Variants in UBE2U observed in about 807,000 individuals in gnomAD.
The protein encoded by UBE2U is ubiquitin conjugating enzyme E2 U, also known as ubiquitin-conjugating enzyme E2 U.
In UBE2U, 39 loss-of-function variants were observed where a neutral mutation model predicts 41.2. The observed-to-expected ratio is 0.95, with a 90% CI of 0.73 to 1.24. UBE2U has a LOEUF of 1.24. UBE2U is among the 50% of genes most tolerant of loss of function. UBE2U has a pLI of 0.00. For missense variants in UBE2U, 336 were observed against 363.1 expected (o/e 0.93, Z 0.61); for synonymous variants, 107 against 117.8 (o/e 0.91, Z 0.60).
At chr1:64,241,969 G>A (rs1344712521) in intron 8 of UBE2U, among the ~76,000 whole-genome samples, 1 of 152,022 alleles carries the variant, frequency 6.6e-6, no homozygotes, top group East Asian at 1.9e-4. Flanking sequence ...GACATGATCT[G>A]CAGTGAAGAA....
intron 1 of UBE2U, among the ~76,000 whole-genome samples, chr1:64,205,291 A>G (rs1400443534): frequency 6.6e-6 from 1 of 152,228 alleles, no homozygotes; most frequent in East Asian, 1.9e-4. Context: ...TTGAAGAAAC[A>G]TGCACTTTCC....
rs570861959 is a variant in UBE2U at position 64,215,171 on chromosome 1, C to T, written c.457+239C>T. On this transcript the variant is annotated intron_variant, in intron 5 of 9. Coordinates refer to ENST00000371077, the MANE Select transcript of UBE2U (RefSeq NM_001366232.2). ...ACTTGAACCTGGGAGGCAGAAGTTG[C>T]GGTGAGCCGAGATCATGCCATTGCA... is the stretch of plus-strand genomic sequence containing the variant. 5.9e-5 allele frequency among the ~76,000 whole-genome samples: 9 copies of T among 152,034 alleles called. No individual in the cohort carries two copies. The South Asian group carries it at 1.2e-3, about 21-fold the overall frequency.
At chr1:64,235,682 A>C (rs551450574) in intron 7 of UBE2U, among the ~76,000 whole-genome samples, 1 of 152,304 alleles carries the variant, frequency 6.6e-6, no homozygotes, top group Non-Finnish European at 1.5e-5. Context: ...GTAAGTAGTT[A>C]AATTTTGATT....
chr1:64,244,194 T>G, intron 8 of UBE2U: 1 of 1,599,204 alleles, frequency 6.3e-7, no homozygotes, highest in Non-Finnish European at 8.5e-7. Context: ...AAACAGATGT[T>G]GGAGAAATTC....
At chr1:64,246,514 C>T (rs978836130) in intron 8 of UBE2U, among the ~76,000 whole-genome samples, 4 of 152,046 alleles carry the variant, frequency 2.6e-5, no homozygotes, top group East Asian at 1.9e-4. Context: ...AAAATTAAAC[C>T]TTGACTGCCA....
chr1:64,253,373 T>C (rs1478092252), intron 8 of UBE2U, among the ~76,000 whole-genome samples: 1 of 152,110 alleles, frequency 6.6e-6, no homozygotes, highest in African/African-American at 2.4e-5. Context: ...TTCCCCAACC[T>C]GGCAAGACAG....
At chr1:64,207,754 C>T (rs780716083) in intron 3 of UBE2U, among the ~76,000 whole-genome samples, 12 of 152,194 alleles carry the variant, frequency 7.9e-5, no homozygotes, top group Middle Eastern at 3.4e-3. Context: ...GTGAGGAAGA[C>T]GTTTCTCAGC....
rs1557730108 is a variant in UBE2U at position 64,239,122 on chromosome 1, A to AGAGGAAGAGGAAGAGGAAGAGGAAGAG, written c.596-2528_596-2527insGGAAGAGGAAGAGGAAGAGGAAGAGGA. Among the ~76,000 whole-genome samples, 15 of 24,348 alleles carry AGAGGAAGAGGAAGAGGAAGAGGAAGAG rather than the reference A, an allele frequency of 6.2e-4. 1 individual carries two copies. Among genetic ancestry groups the AGAGGAAGAGGAAGAGGAAGAGGAAGAG allele is most frequent in the East Asian group, 2.5e-3 (1 of 404 alleles). 16.0% of individuals were successfully genotyped at this position (24,348 alleles called of 152,430 possible). A position where few individuals can be genotyped will look rare whatever the true frequency, so the allele number is the denominator to read the frequency against. ...AAGAAGAAGAAGAAGAAGAAGAAGA[A>AGAGGAAGAGGAAGAGGAAGAGGAAGAG]GAAGAAGAAGAAGAAGAAGAAGAAG... On this transcript the variant is annotated intron_variant, in intron 7 of 9. Transcript: ENST00000371077.
chr1:64,240,149 T>C (rs899659813), intron 7 of UBE2U, among the ~76,000 whole-genome samples: 2 of 152,216 alleles, frequency 1.3e-5, no homozygotes, highest in African/African-American at 4.8e-5. Context: ...CAGAAAATAC[T>C]AATGCAGGTC....
At chr1:64,222,789 T>A (rs893362096) in intron 6 of UBE2U, among the ~76,000 whole-genome samples, 1 of 152,254 alleles carries the variant, frequency 6.6e-6, no homozygotes, top group African/African-American at 2.4e-5. Context: ...TAGTGCCATA[T>A]GCTTAGAACT....
intron 3 of UBE2U, among the ~76,000 whole-genome samples, chr1:64,208,537 G>A (rs553701369): frequency 3.7e-4 from 51 of 139,484 alleles, no homozygotes; most frequent in Non-Finnish European, 7.1e-4. Context: ...CCAGGAGGTC[G>A]AGGCTGCAGT....
At chr1:64,254,811 A>G (rs1645065423) in intron 8 of UBE2U, among the ~76,000 whole-genome samples, 1 of 152,200 alleles carries the variant, frequency 6.6e-6, no homozygotes, top group African/African-American at 2.4e-5. Flanking sequence ...AAATGCCCAC[A>G]TCAAAAAGCT....
intron 6 of UBE2U, among the ~76,000 whole-genome samples, chr1:64,223,552 T>G (rs774771876): frequency 6.6e-6 from 1 of 152,232 alleles, no homozygotes; most frequent in Non-Finnish European, 1.5e-5. Flanking sequence ...TTTCACTAAG[T>G]CATCCATCTC....
intron 8 of UBE2U, among the ~76,000 whole-genome samples, chr1:64,242,993 A>G (rs2100465900): frequency 6.6e-6 from 1 of 152,308 alleles, no homozygotes; most frequent in Middle Eastern, 3.4e-3. Flanking sequence ...CAGAACCCAA[A>G]AATTTAGAAA....
chr1:64,241,465 A>G (rs1416558584), intron 7 of UBE2U, among the ~76,000 whole-genome samples, 187 bp from the exon 8 acceptor site: 1 of 152,208 alleles, frequency 6.6e-6, no homozygotes, highest in Non-Finnish European at 1.5e-5. Context: ...AATATCTAAT[A>G]TTATGATGTT....
intron 8 of UBE2U, among the ~76,000 whole-genome samples, chr1:64,244,901 A>G (rs1010260206): frequency 2.6e-5 from 4 of 152,212 alleles, no homozygotes; most frequent in African/African-American, 9.7e-5. Context: ...TGTTTTCTCA[A>G]TTAGTATTAG....
chr1:64,205,579 C>G, intron 1 of UBE2U, 60 bp from the exon 2 acceptor site: 1 of 1,430,610 alleles, frequency 7.0e-7, no homozygotes, highest in Non-Finnish European at 9.7e-7. Flanking sequence ...ATATGATTTT[C>G]AAAACTTCAA....
At chr1:64,257,320 A>G (rs1002142826) in intron 8 of UBE2U, among the ~76,000 whole-genome samples, 6 of 152,240 alleles carry the variant, frequency 3.9e-5, no homozygotes, top group African/African-American at 1.4e-4. Context: ...GCCTATGTTC[A>G]TTGCAGCACT....
At chr1:64,249,637 T>C (rs1644975867) in intron 8 of UBE2U, among the ~76,000 whole-genome samples, 1 of 151,582 alleles carries the variant, frequency 6.6e-6, no homozygotes, top group African/African-American at 2.4e-5. Context: ...TATTTAAAAA[T>C]ATATATACTT....
Sources: gnomAD v4.1 joint callset for allele counts (sites outside exome capture counted in the v4.1 genomes callset) on GRCh38, gnomAD v4.1.1 for gene constraint, MANE v1.5 for transcripts, NCBI Gene and HGNC (gene_info 2026-07-23, HGNC 2026-07-21) for gene names.